TTLL8: variants seen among roughly 807,000 people sequenced by gnomAD.
TTLL8 encodes the protein protein monoglycylase TTLL8.
In TTLL8, 65 loss-of-function variants were observed where a neutral mutation model predicts 77.8. That is an observed-to-expected ratio of 0.84 (90% CI 0.68 to 1.03). The LOEUF (loss-of-function observed/expected upper bound fraction) is 1.03. Ranked by LOEUF, TTLL8 falls within the 50% of genes least tolerant of loss-of-function variation. The pLI, the probability that TTLL8 is intolerant of heterozygous loss-of-function variation, is 0.00. For missense variants in TTLL8, 910 were observed against 1,004.5 expected (o/e 0.91, Z 1.27); for synonymous variants, 402 against 422.8 (o/e 0.95, Z 0.60).
intron 11 of TTLL8, among the ~76,000 whole-genome samples, chr22:50,031,192 CCA>C (rs2146646580): frequency 6.6e-6 from 1 of 152,320 alleles, no homozygotes; most frequent in Admixed American, 6.5e-5. Flanking sequence ...CCGAGTTTAG[CCA>C]CAGAGAGGCC....
rs1305204352 is a variant in TTLL8 at position 50,028,856 on chromosome 22, C to T, written c.2203+1574G>A. Among the ~76,000 whole-genome samples, 2 of 12,534 alleles carry T rather than the reference C, an allele frequency of 1.6e-4. 1 individual carries two copies. The highest frequency in any genetic ancestry group is 2.4e-4 in the Non-Finnish European group (2 of 8,340). 8.2% of individuals were successfully genotyped at this position (12,534 alleles called of 152,430 possible). On this transcript the variant is annotated intron_variant, in intron 12 of 13. Transcript: ENST00000266182. Reference sequence around the variant, plus strand: ...TGTCCTAAAGACCCCCACATACCCTCGTAAAGACCCCCATCACACCATCCT... The same window carrying T: ...TGTCCTAAAGACCCCCACATACCCTTGTAAAGACCCCCATCACACCATCCT...
chr22:50,030,954 G>T, intron 11 of TTLL8, 29 bp from the exon 13 acceptor site: 1 of 1,308,014 alleles, frequency 7.6e-7, no homozygotes, highest in East Asian at 5.1e-5. Flanking sequence ...TTGGGGTGCT[G>T]GGCTGTGGCC....
chr22:50,045,791 A>G, intron 5 of TTLL8, 65 bp downstream of exon 7: 11 of 1,281,950 alleles, frequency 8.6e-6, no homozygotes, highest in Non-Finnish European at 1.1e-5. Flanking sequence ...TCTCAGCACC[A>G]GGGGGATCTT....
chr22:50,026,282 C>G (rs5771305), intron 12 of TTLL8, among the ~76,000 whole-genome samples: 1 of 150,904 alleles, frequency 6.6e-6, no homozygotes, highest in Non-Finnish European at 1.5e-5. Context: ...TCTGCACAGC[C>G]GCCACCCTGC....
intron 12 of TTLL8, among the ~76,000 whole-genome samples, chr22:50,023,277 G>T (rs1260032416): frequency 6.6e-6 from 1 of 152,116 alleles, no homozygotes; most frequent in Non-Finnish European, 1.5e-5. Context: ...AATAAACGTT[G>T]AGATACATCA....
At position 50,044,330 on chromosome 22, in the gene TTLL8, AC is replaced by A. The variant is rs1388752264; in HGVS notation, c.643+924del. Reference sequence around the variant, plus strand: ...AAGACTCCATCTCAAAAAAAAAAAAACATTAATTAGGAGGCCATCAGATGAG... The same window carrying A: ...AAGACTCCATCTCAAAAAAAAAAAAAATTAATTAGGAGGCCATCAGATGAG... On this transcript the variant is annotated intron_variant, in intron 6 of 13. Coordinates refer to ENST00000266182, the Ensembl canonical transcript of TTLL8. The surrounding 1 kb of genome is among the most constrained non-coding windows in gnomAD (Gnocchi z 4.2). 2.3e-4 allele frequency among the ~76,000 whole-genome samples: 35 copies of A among 152,132 alleles called. No homozygotes were observed. Among genetic ancestry groups the A allele is most frequent in the Non-Finnish European group, 4.4e-5 (3 of 68,012 alleles).
intron 6 of TTLL8, among the ~76,000 whole-genome samples, chr22:50,043,556 TA>T (rs1390625800): frequency 6.8e-6 from 1 of 146,452 alleles, no homozygotes; most frequent in Non-Finnish European, 1.5e-5. Context: ...GATAGATAGA[TA>T]AACAGTGGTG....
intron 12 of TTLL8, among the ~76,000 whole-genome samples, chr22:50,026,544 A>G (rs1213495073): frequency 1.3e-5 from 2 of 152,244 alleles, no homozygotes; most frequent in Admixed American, 6.5e-5. Flanking sequence ...AGGGTCAGAC[A>G]TGGAAGCGCA....
chr22:50,057,540 G>C (rs111859624), upstream of TTLL8, among the ~76,000 whole-genome samples: 1 of 32,314 alleles, frequency 3.1e-5, no homozygotes, highest in Non-Finnish European at 4.7e-5. Context: ...GGTTGAGCGG[G>C]AGGTCTGGGT....
chr22:50,043,705 A>G (rs1249288586), intron 6 of TTLL8, among the ~76,000 whole-genome samples: 1 of 152,240 alleles, frequency 6.6e-6, no homozygotes, highest in Non-Finnish European at 1.5e-5. Context: ...AGCGCTCTCA[A>G]GCCATGAAAA....
At chr22:50,023,649 C>T (rs1291435673) in intron 12 of TTLL8, among the ~76,000 whole-genome samples, 3 of 152,036 alleles carry the variant, frequency 2.0e-5, no homozygotes, top group Non-Finnish European at 2.9e-5. Context: ...CGCACCGCTG[C>T]ACTCCAGCCT....
exon 12 of TTLL8, chr22:50,030,610 C>G: frequency 7.7e-7 from 1 of 1,295,954 alleles, no homozygotes; most frequent in Non-Finnish European, 1.0e-6. Context: ...GGGAGCTCCA[C>G]CTTCCCAGCA....
At chr22:50,027,634 G>C (rs2061238651) in intron 12 of TTLL8, 2 of 985,182 alleles carry the variant, frequency 2.0e-6, no homozygotes, top group Admixed American at 1.2e-4. Context: ...AAGCCAACAA[G>C]CTCCAAGGGC....
chr22:50,033,338 G>T (rs753063548), exon 10 of TTLL8: 1 of 1,365,316 alleles, frequency 7.3e-7, no homozygotes, highest in Non-Finnish European at 9.8e-7. Flanking sequence ...CAGATGAGCA[G>T]CGGCGTCTCG....
chr22:50,050,256 G>A lies in TTLL8; in HGVS notation c.52-9C>T. The stretch of plus-strand genomic sequence containing the variant: ...GAGAAAATCTTCTTCTCCTAAAATG[G>A]CAAGAGGATATTTTATTTTATTTCA... On this transcript the variant is annotated splice_polypyrimidine_tract_variant and intron_variant, in intron 1 of 13. Coordinates refer to ENST00000266182, the Ensembl canonical transcript of TTLL8. 1 of 1,311,404 alleles carries A rather than the reference G, an allele frequency of 7.6e-7. No individual in the cohort carries two copies. The highest frequency in any genetic ancestry group is 1.0e-6 in the Non-Finnish European group (1 of 992,936). The allele number at this position is 1,311,404 out of a possible 1,614,324, so 81.2% of individuals were successfully genotyped here.
intron 2 of TTLL8, 32 bp from the exon 5 acceptor site, chr22:50,049,354 T>C (rs1484028825): frequency 2.2e-6 from 3 of 1,367,006 alleles, no homozygotes; most frequent in Admixed American, 1.9e-5. Context: ...GGCCTGAACA[T>C]GAAGCCTCAG....
exon 2 of TTLL8, chr22:50,050,227 G>A (rs762911020): frequency 7.5e-7 from 1 of 1,340,426 alleles, no homozygotes; most frequent in Non-Finnish European, 9.9e-7. Flanking sequence ...AGTGTCCGTA[G>A]ATAGAGAAAA....
rs376209219 is a variant in TTLL8 at position 50,034,466 on chromosome 22, C to T, written c.922-4G>A. ...TTCTATTCAGCAGAGCCTGGCACTGCGAAAAGTAATTTCTTGAATTGGAGA... is the reference window on the plus strand; with the variant it reads ...TTCTATTCAGCAGAGCCTGGCACTGTGAAAAGTAATTTCTTGAATTGGAGA... On this transcript the variant is annotated splice_region_variant and splice_polypyrimidine_tract_variant and intron_variant, in intron 8 of 13. Coordinates refer to ENST00000266182, the Ensembl canonical transcript of TTLL8. This position sits in a 1 kb window ranked among gnomAD's most constrained non-coding sequence, Gnocchi z 4.1. 18 of 1,366,270 alleles carry T rather than the reference C, an allele frequency of 1.3e-5. No individual in the cohort carries two copies. The highest frequency in any genetic ancestry group is 1.1e-5 in the South Asian group (1 of 87,972). The allele number at this position is 1,366,270 out of a possible 1,614,324, so 84.6% of individuals were successfully genotyped here.
chr22:50,043,362 G>A (rs1259555659), intron 6 of TTLL8, among the ~76,000 whole-genome samples: 2 of 88,550 alleles, frequency 2.3e-5, no homozygotes, highest in African/African-American at 9.8e-5. Flanking sequence ...GACACCCTTC[G>A]GTAGATGGAT....
Sources: gnomAD v4.1 joint callset for allele counts (sites outside exome capture counted in the v4.1 genomes callset) on GRCh38, gnomAD v4.1.1 for gene constraint, Gnocchi (gnomAD v3.1) non-coding constraint, MANE v1.5 for transcripts, NCBI Gene and HGNC (gene_info 2026-07-23, HGNC 2026-07-21) for gene names.